SLC25A4: variants seen among roughly 807,000 people sequenced by gnomAD.
SLC25A4 encodes the protein ADP/ATP translocase 1.
In SLC25A4, 10 loss-of-function variants were observed where a neutral mutation model predicts 24.7. The ratio of observed to expected loss-of-function variants is 0.41; its 90% CI spans 0.25 to 0.69. SLC25A4 has a LOEUF of 0.69. Ranked by LOEUF, SLC25A4 falls within the 30% of genes least tolerant of loss-of-function variation. SLC25A4 has a pLI of 0.35. For missense variants in SLC25A4, 273 were observed against 387.6 expected, an observed-to-expected ratio of 0.70 and a Z score of 2.48; for synonymous variants, 125 against 153.3, an observed-to-expected ratio of 0.82 and a Z score of 1.36.
Position 185,145,493 on chromosome 4 carries a change from T to C in SLC25A4, c.598+243T>C, listed in dbSNP as rs1015805358. 2.0e-4 allele frequency: 136 copies of C among 678,400 alleles called. 3 individuals are homozygous for C. Among genetic ancestry groups the C allele is most frequent in the South Asian group, 1.2e-3 (61 of 51,936 alleles). 42.0% of individuals were successfully genotyped at this position (678,400 alleles called of 1,614,324 possible). A position where few individuals can be genotyped will look rare whatever the true frequency, so the allele number is the denominator to read the frequency against. ...GAGGAGGGGGGAGCCTGTCTCCCTCTAGACACAGCCATAGCAGTTACTGAG... is the reference window on the plus strand; with the variant it reads ...GAGGAGGGGGGAGCCTGTCTCCCTCCAGACACAGCCATAGCAGTTACTGAG... On this transcript the variant is annotated intron_variant, in intron 2 of 3. Coordinates refer to ENST00000281456, the MANE Select transcript of SLC25A4 (RefSeq NM_001151.4). This position sits in a 1 kb window ranked among gnomAD's most constrained non-coding sequence, Gnocchi z 5.5.
rs574434894 is a variant in SLC25A4, at chr4:185,149,948, G to C, written c.*2977G>C. 1 of 152,370 alleles carries C rather than the reference G, an allele frequency of 6.6e-6. No individual in the cohort carries two copies. The highest frequency in any genetic ancestry group is 2.1e-4 in the South Asian group (1 of 4,834). 9.4% of individuals were successfully genotyped at this position (152,370 alleles called of 1,614,324 possible). A position where few individuals can be genotyped will look rare whatever the true frequency, so the allele number is the denominator to read the frequency against. On this transcript the variant is annotated 3_prime_UTR_variant, in exon 4 of 4. Coordinates refer to ENST00000281456, the MANE Select transcript of SLC25A4 (RefSeq NM_001151.4). The stretch of plus-strand genomic sequence containing the variant: ...TGGACACTAAAAACAATGAAAACTT[G>C]TCTCAAGTATTTGTGTTGAAATCTC...
chr4:185,146,647 G>A (rs572278008), intron 3 of SLC25A4, among the ~76,000 whole-genome samples, 167 bp from the exon 4 acceptor site: 3 of 152,330 alleles, frequency 2.0e-5, no homozygotes, highest in African/African-American at 7.2e-5. Flanking sequence ...CAGCCTGCCA[G>A]TGAAGCAAGG....
chr4:185,144,099 C>A (rs28378269), intron 1 of SLC25A4, among the ~76,000 whole-genome samples: 2,338 of 152,276 alleles, frequency 0.015, 61 homozygotes, highest in African/African-American at 0.048. Context: ...ATCATCCTCT[C>A]GTGTTTTCCT....
Position 185,145,171 on chromosome 4 carries a change from C to A in SLC25A4, c.519C>A (p.Leu173=). The change falls in exon 2 of 4, where the codon CTC becomes CTA. Residue 173 remains leucine, a synonymous_variant. Transcript: ENST00000281456. This position sits in a 1 kb window ranked among gnomAD's most constrained non-coding sequence, Gnocchi z 5.5. The part of the protein sequence containing the change: ...KIFKSDGLRG[L]YQGFNVSVQG... ...TCAAGTCTGATGGCCTGAGGGGGCT[C>A]TACCAGGGTTTCAACGTCTCTGTCC... The A allele has an allele frequency of 6.2e-7, 1 of 1,613,940 alleles. No homozygotes were observed. Among genetic ancestry groups the A allele is most frequent in the South Asian group, 1.1e-5 (1 of 91,060 alleles).
Position 185,147,830 on chromosome 4 carries a change from A to G in SLC25A4, c.*859A>G, listed in dbSNP as rs1734469998. 1 of 152,070 alleles carries G rather than the reference A, an allele frequency of 6.6e-6. No individual in the cohort carries two copies. The highest frequency in any genetic ancestry group is 1.5e-5 in the Non-Finnish European group (1 of 68,028). The allele number at this position is 152,070 out of a possible 1,614,324, so 9.4% of individuals were successfully genotyped here. On this transcript the variant is annotated 3_prime_UTR_variant, in exon 4 of 4. Transcript: ENST00000281456. ...CCCATCTCTAATAAAAATACAAAAA[A>G]TTAGCTGGGTGTGGTGGCGCACACC...
At position 185,145,701 on chromosome 4, in the gene SLC25A4, T is replaced by G. The variant is rs1047390455; in HGVS notation, c.599-58T>G. On this transcript the variant is annotated intron_variant, in intron 2 of 3. Coordinates refer to ENST00000281456, the MANE Select transcript of SLC25A4 (RefSeq NM_001151.4). This position sits in a 1 kb window ranked among gnomAD's most constrained non-coding sequence, Gnocchi z 5.5. ...GTGCAGTGGCCTCTCTCCCTCCACC[T>G]GCTTTCTGCTGAGAACAGGCACTTC... 1.1e-5 allele frequency: 17 copies of G among 1,607,286 alleles called. No homozygotes were observed. Among genetic ancestry groups the G allele is most frequent in the African/African-American group, 2.7e-5 (2 of 74,806 alleles).
intron 1 of SLC25A4, 28 bp from the exon 2 acceptor site, chr4:185,144,736 C>G (rs749339895): frequency 3.5e-5 from 56 of 1,612,206 alleles, no homozygotes; most frequent in Non-Finnish European, 4.6e-5. Flanking sequence ...CCTGCCTGTC[C>G]TCTGTCACCC....
rs767493198 is a variant in SLC25A4 at position 185,145,096 on chromosome 4, C to T, written c.444C>T (p.Gly148=). The change falls in exon 2 of 4, where the codon GGC becomes GGT. Residue 148 remains glycine (G), a synonymous_variant. Transcript: ENST00000281456. This position sits in a 1 kb window ranked among gnomAD's most constrained non-coding sequence, Gnocchi z 5.5. ...GGTTGGCTGCTGATGTGGGCAAGGGCGCCGCCCAGCGTGAGTTCCATGGTC... is the reference window on the plus strand; with the variant it reads ...GGTTGGCTGCTGATGTGGGCAAGGGTGCCGCCCAGCGTGAGTTCCATGGTC... The part of the protein sequence containing the change: ...RTRLAADVGK[G]AAQREFHGLG... The T allele has an allele frequency of 1.5e-5, 24 of 1,613,018 alleles. No homozygotes were observed. Among genetic ancestry groups the T allele is most frequent in the Middle Eastern group, 1.6e-4 (1 of 6,084 alleles).
In SLC25A4 at chr4:185,144,880, C is replaced by T. The variant is rs562465418; in HGVS notation, c.228C>T (p.Ala76=). ...TCTCCTTCTGGAGGGGTAACCTGGC[C>T]AACGTGATCCGTTACTTCCCCACCC... ...GFLSFWRGNL[A]NVIRYFPTQA... is the part of the protein sequence containing the mutation. The change falls in exon 2 of 4, where the codon GCC becomes GCT. Residue 76 remains alanine, a synonymous_variant. Transcript: ENST00000281456. The T allele has an allele frequency of 8.7e-6, 14 of 1,614,164 alleles. No individual in the cohort carries two copies. The highest frequency in any genetic ancestry group is 7.7e-5 in the South Asian group (7 of 91,080).
At position 185,145,503 on chromosome 4, in the gene SLC25A4, C is replaced by T; in HGVS notation, c.598+253C>T. 1 of 666,178 alleles carries T rather than the reference C, an allele frequency of 1.5e-6. No homozygotes were observed. The highest frequency in any genetic ancestry group is 2.5e-6 in the Non-Finnish European group (1 of 397,134). The allele number at this position is 666,178 out of a possible 1,614,324, so 41.3% of individuals were successfully genotyped here. On this transcript the variant is annotated intron_variant, in intron 2 of 3. Coordinates refer to ENST00000281456, the MANE Select transcript of SLC25A4 (RefSeq NM_001151.4). The surrounding 1 kb of genome is among the most constrained non-coding windows in gnomAD (Gnocchi z 5.5). ...GAGCCTGTCTCCCTCTAGACACAGCCATAGCAGTTACTGAGTTTAACTTGA... is the reference window on the plus strand; with the variant it reads ...GAGCCTGTCTCCCTCTAGACACAGCTATAGCAGTTACTGAGTTTAACTTGA...
chr4:185,145,646 TC>T lies in SLC25A4; in HGVS notation c.599-109del. The T allele has an allele frequency of 7.4e-7, 1 of 1,351,976 alleles. No homozygotes were observed. Among genetic ancestry groups the T allele is most frequent in the Non-Finnish European group, 1.0e-6 (1 of 967,554 alleles). 83.7% of individuals were successfully genotyped at this position (1,351,976 alleles called of 1,614,324 possible). ...GTGAAGCACCTGCACAGGGGCAGGT[TC>T]CCCGCAAGGTCAGAGCATGGAGCTG... On this transcript the variant is annotated intron_variant, in intron 2 of 3. Transcript: ENST00000281456. This position sits in a 1 kb window ranked among gnomAD's most constrained non-coding sequence, Gnocchi z 5.5.
Position 185,144,952 on chromosome 4 carries a change from AG to A in SLC25A4, c.305del (p.Gly102ValfsTer69), listed in dbSNP as rs1734411085. ...FKDKYKQLFL[G>X]GVDRHKQFWR... ...AGGACAAGTACAAGCAGCTCTTCTT[AG>A]GGGGTGTGGATCGGCATAAGCAGTT... On this transcript the variant is annotated frameshift_variant, in exon 2 of 4. Coordinates refer to ENST00000281456, the MANE Select transcript of SLC25A4 (RefSeq NM_001151.4). LOFTEE classifies it high-confidence loss of function. The A allele has an allele frequency of 6.2e-7, 1 of 1,614,014 alleles. No homozygotes were observed. The highest frequency in any genetic ancestry group is 8.5e-7 in the Non-Finnish European group (1 of 1,180,030).
Position 185,149,725 on chromosome 4 carries a change from T to C in SLC25A4, c.*2754T>C, listed in dbSNP as rs904102014. 2 of 152,252 alleles carry C rather than the reference T, an allele frequency of 1.3e-5. No individual in the cohort carries two copies. The highest frequency in any genetic ancestry group is 4.8e-5 in the African/African-American group (2 of 41,448). 9.4% of individuals were successfully genotyped at this position (152,252 alleles called of 1,614,324 possible). On this transcript the variant is annotated 3_prime_UTR_variant, in exon 4 of 4. Coordinates refer to ENST00000281456, the MANE Select transcript of SLC25A4 (RefSeq NM_001151.4). ...CCCCAGGCATTTCTCATCAGCCCCA[T>C]TTCCCACACAGCTCTCTCCTAGGCG...
chr4:185,143,408 C>A lies in SLC25A4; in HGVS notation c.36C>A (p.Phe12Leu), dbSNP rs1442603994. 3.3e-6 allele frequency: 5 copies of A among 1,528,208 alleles called. No individual in the cohort carries two copies. The South Asian group carries it at 6.1e-5, about 19-fold the overall frequency. The allele number at this position is 1,528,208 out of a possible 1,614,324, so 94.7% of individuals were successfully genotyped here. The change falls in exon 1 of 4, where the codon TTC (phenylalanine) becomes TTA (leucine). Residue 12 changes from phenylalanine to leucine, a missense_variant. Transcript: ENST00000281456. ...GDHAWSFLKD[F>L]LAGGVAAAVS... ...ACGCTTGGAGCTTCCTAAAGGACTT[C>A]CTGGCCGGGGGCGTCGCCGCTGCCG...
chr4:185,147,660 A>G lies in SLC25A4; in HGVS notation c.*689A>G, dbSNP rs1734466242. On this transcript the variant is annotated 3_prime_UTR_variant, in exon 4 of 4. Coordinates refer to ENST00000281456, the MANE Select transcript of SLC25A4 (RefSeq NM_001151.4). The stretch of plus-strand genomic sequence containing the variant: ...CCTTTAGATAACTGTGACACCTAGA[A>G]TTTTATGTTAAGTAGAGAGTATTCA... 1 of 152,340 alleles carries G rather than the reference A, an allele frequency of 6.6e-6. No homozygotes were observed. The highest frequency in any genetic ancestry group is 2.1e-4 in the South Asian group (1 of 4,822). The allele number at this position is 152,340 out of a possible 1,614,324, so 9.4% of individuals were successfully genotyped here. A position where few individuals can be genotyped will look rare whatever the true frequency, so the allele number is the denominator to read the frequency against.
rs1734468566 is a variant in SLC25A4 at position 185,147,754 on chromosome 4, G to GT, written c.*784dup. ...AGCACTTTGGGAGGCAGAGGTGGGC[G>GT]TATCACTTCAGGCCAGGAGTTTGAG... On this transcript the variant is annotated 3_prime_UTR_variant, in exon 4 of 4. Coordinates refer to ENST00000281456, the MANE Select transcript of SLC25A4 (RefSeq NM_001151.4). The GT allele has an allele frequency of 2.0e-5, 3 of 152,226 alleles. No individual in the cohort carries two copies. The highest frequency in any genetic ancestry group is 4.4e-5 in the Non-Finnish European group (3 of 68,030). 9.4% of individuals were successfully genotyped at this position (152,226 alleles called of 1,614,324 possible). A position where few individuals can be genotyped will look rare whatever the true frequency, so the allele number is the denominator to read the frequency against.
At chr4:185,146,525 C>T (rs541595671) in intron 3 of SLC25A4, among the ~76,000 whole-genome samples, 30 of 152,218 alleles carry the variant, frequency 2.0e-4, no homozygotes, top group Non-Finnish European at 3.7e-4. Context: ...CATAATACTC[C>T]TGCTCCACTG....
At chr4:185,146,757 G>A in intron 3 of SLC25A4, 57 bp from the exon 4 acceptor site, 1 of 1,602,854 alleles carries the variant, frequency 6.2e-7, no homozygotes, top group Non-Finnish European at 8.5e-7. Context: ...TATGTTTCAG[G>A]GGAAAAGTCT....
Position 185,149,910 on chromosome 4 carries a change from T to C in SLC25A4, c.*2939T>C, listed in dbSNP as rs1734509388. On this transcript the variant is annotated 3_prime_UTR_variant, in exon 4 of 4. Coordinates refer to ENST00000281456, the MANE Select transcript of SLC25A4 (RefSeq NM_001151.4). ...GGATGATGCAAGATGAGTGAGTCCA[T>C]AATGGTAATAATTGGACACTAAAAA... The C allele has an allele frequency of 6.6e-6, 1 of 152,244 alleles. No homozygotes were observed. Among genetic ancestry groups the C allele is most frequent in the Non-Finnish European group, 1.5e-5 (1 of 68,050 alleles). 9.4% of individuals were successfully genotyped at this position (152,244 alleles called of 1,614,324 possible). A position where few individuals can be genotyped will look rare whatever the true frequency, so the allele number is the denominator to read the frequency against.
Sources: gnomAD v4.1 joint callset for allele counts (sites outside exome capture counted in the v4.1 genomes callset) on GRCh38, gnomAD v4.1.1 for gene constraint, Gnocchi (gnomAD v3.1) non-coding constraint, MANE v1.5 for transcripts, NCBI Gene and HGNC (gene_info 2026-07-23, HGNC 2026-07-21) for gene names.